Variants in AP1B1 observed in about 807,000 individuals in gnomAD.
The protein encoded by AP1B1 is AP-1 complex subunit beta-1.
Under a neutral mutation model 104.3 loss-of-function variants are expected in AP1B1, and 36 were observed. The ratio of observed to expected loss-of-function variants is 0.35; its 90% CI spans 0.26 to 0.46. The LOEUF (loss-of-function observed/expected upper bound fraction) is 0.46. AP1B1 is among the 20% of genes least tolerant of loss of function. AP1B1 has a pLI of 1.00. For synonymous variants in AP1B1, 504 were observed against 517.5 expected (o/e 0.97, Z 0.35); for missense variants, 901 against 1,247.9 (o/e 0.72, Z 4.19).
At position 29,341,560 on chromosome 22, in the gene AP1B1, A is replaced by G; in HGVS notation, c.1737T>C (p.Ser579=). 6.2e-7 allele frequency: 1 copy of G among 1,614,188 alleles called. No individual in the cohort carries two copies. The highest frequency in any genetic ancestry group is 8.5e-7 in the Non-Finnish European group (1 of 1,180,022). The part of the protein sequence containing the change: ...TLASVYHKPP[S]AFVEGGRGVV... The stretch of plus-strand genomic sequence containing the variant: ...CGCCCCGGCCCCCCTCCACAAAGGC[A>G]CTGGGAGGCTTATGGTAGACGGAAG... The change falls in exon 13 of 23, where the codon AGT becomes AGC. Residue 579 remains serine (S), a synonymous_variant. Coordinates refer to ENST00000357586, the MANE Select transcript of AP1B1 (RefSeq NM_001127.4).
chr22:29,376,644 G>A (rs563314239), intron 1 of AP1B1, among the ~76,000 whole-genome samples: 1 of 137,980 alleles, frequency 7.2e-6, no homozygotes, highest in South Asian at 2.4e-4. Flanking sequence ...TCAAGAGGAA[G>A]TTAGGGAAGA....
chr22:29,357,265 G>A (rs536463627), intron 5 of AP1B1, among the ~76,000 whole-genome samples: 6 of 151,362 alleles, frequency 4.0e-5, no homozygotes, highest in South Asian at 4.2e-4. Flanking sequence ...ATGGGGTTTC[G>A]CCATGTTGGC....
chr22:29,364,108 A>C (rs1187410440), intron 2 of AP1B1, among the ~76,000 whole-genome samples: 4 of 152,218 alleles, frequency 2.6e-5, no homozygotes, highest in African/African-American at 9.6e-5. Flanking sequence ...CTGAGTACTT[A>C]AGGCTTGCGG....
At chr22:29,364,441 CAG>C (rs1191763090) in intron 2 of AP1B1, among the ~76,000 whole-genome samples, 1 of 152,166 alleles carries the variant, frequency 6.6e-6, no homozygotes, top group Non-Finnish European at 1.5e-5. Flanking sequence ...TTTTTTGAGA[CAG>C]AGTCTTGCTC....
chr22:29,363,212 A>G (rs574954484), intron 2 of AP1B1, 106 bp from the exon 3 acceptor site: 21 of 661,174 alleles, frequency 3.2e-5, no homozygotes, highest in African/African-American at 3.0e-4. Flanking sequence ...AAGACATCCT[A>G]TGCTGTTGGC....
At chr22:29,369,003 G>A (rs2062188291) in intron 1 of AP1B1, among the ~76,000 whole-genome samples, 1 of 151,732 alleles carries the variant, frequency 6.6e-6, no homozygotes, top group South Asian at 2.1e-4. Context: ...AGTTTTATGT[G>A]GTATAGAAAA....
intron 1 of AP1B1, among the ~76,000 whole-genome samples, chr22:29,383,581 C>T (rs1355284568): frequency 2.7e-5 from 4 of 150,752 alleles, no homozygotes; most frequent in African/African-American, 7.3e-5. Context: ...TGGTGGCGGG[C>T]GCCTGTAATC....
chr22:29,337,085 T>G (rs1447230864), intron 16 of AP1B1, among the ~76,000 whole-genome samples: 2 of 152,214 alleles, frequency 1.3e-5, no homozygotes, highest in Non-Finnish European at 2.9e-5. Context: ...TACGTTCCCG[T>G]GGCCCTGCTG....
chr22:29,359,809 C>T lies in AP1B1; in HGVS notation c.279+15G>A. ...AAGCACCCAATGTCCCCACGCCCAC[C>T]AAGCGTCTGCTCACCTTCACAAAGG... On this transcript the variant is annotated intron_variant, in intron 4 of 22. Coordinates refer to ENST00000357586, the MANE Select transcript of AP1B1 (RefSeq NM_001127.4). 2 of 1,609,544 alleles carry T rather than the reference C, an allele frequency of 1.2e-6. No individual in the cohort carries two copies. Among genetic ancestry groups the T allele is most frequent in the Non-Finnish European group, 1.7e-6 (2 of 1,177,456 alleles).
At chr22:29,374,179 G>A (rs1352061011) in intron 1 of AP1B1, among the ~76,000 whole-genome samples, 1 of 152,108 alleles carries the variant, frequency 6.6e-6, no homozygotes, top group African/African-American at 2.4e-5. Flanking sequence ...TCCAGCCTGG[G>A]CAACAGAGCA....
intron 1 of AP1B1, among the ~76,000 whole-genome samples, chr22:29,383,966 C>G (rs1370804519): frequency 6.6e-6 from 1 of 152,070 alleles, no homozygotes; most frequent in South Asian, 2.1e-4. Context: ...AGTGTAGAAC[C>G]ATAGCCAAGT....
intron 16 of AP1B1, among the ~76,000 whole-genome samples, chr22:29,337,405 C>T (rs926812482): frequency 6.6e-6 from 1 of 152,216 alleles, no homozygotes; most frequent in Non-Finnish European, 1.5e-5. Context: ...AGTGCCCAGA[C>T]CCTGCCAGGG....
intron 11 of AP1B1, among the ~76,000 whole-genome samples, chr22:29,344,303 G>T (rs1444084312): frequency 6.6e-6 from 1 of 151,986 alleles, no homozygotes; most frequent in Non-Finnish European, 1.5e-5. Flanking sequence ...GTATGCCTCA[G>T]GCTGTATTGC....
intron 21 of AP1B1, 97 bp downstream of exon 21, chr22:29,330,281 G>A (rs1004739057): frequency 1.0e-5 from 16 of 1,568,684 alleles, no homozygotes; most frequent in African/African-American, 1.3e-5. Flanking sequence ...AGCCAGGCTT[G>A]AAGGGACGCT....
intron 2 of AP1B1, among the ~76,000 whole-genome samples, chr22:29,363,793 A>T (rs149320651): frequency 1.3e-5 from 2 of 152,088 alleles, no homozygotes; most frequent in Non-Finnish European, 2.9e-5. Context: ...GCTACTCTGG[A>T]GGCTGAGGCT....
At chr22:29,330,792 G>T in intron 19 of AP1B1, 83 bp from the exon 20 acceptor site, 3 of 1,201,436 alleles carry the variant, frequency 2.5e-6, no homozygotes, top group Non-Finnish European at 3.5e-6. Context: ...AAATGGGTCT[G>T]GCCTTTACTG....
chr22:29,330,872 G>A (rs1216269894), intron 19 of AP1B1, among the ~76,000 whole-genome samples, 163 bp from the exon 20 acceptor site: 6 of 152,022 alleles, frequency 3.9e-5, no homozygotes, highest in African/African-American at 1.2e-4. Context: ...CACACCCTCC[G>A]CTCTGTGAGG....
At chr22:29,353,905 C>T (rs1348513837) in intron 7 of AP1B1, among the ~76,000 whole-genome samples, 1 of 152,160 alleles carries the variant, frequency 6.6e-6, no homozygotes, top group East Asian at 1.9e-4. Context: ...AGGTCAATCC[C>T]CCTCCCCAGA....
Position 29,341,484 on chromosome 22 carries a change from T to C in AP1B1, c.1796+17A>G. The C allele has an allele frequency of 1.9e-6, 3 of 1,604,114 alleles. No homozygotes were observed. The highest frequency in any genetic ancestry group is 2.6e-6 in the Non-Finnish European group (3 of 1,172,232). On this transcript the variant is annotated intron_variant, in intron 13 of 22. Coordinates refer to ENST00000357586, the MANE Select transcript of AP1B1 (RefSeq NM_001127.4). ...GCAGAGTGTGAAGGCGCAGGCCGAC[T>C]GGCCAGTCTCACTCACGAGGCCGTG... is the stretch of plus-strand genomic sequence containing the variant.
Sources: gnomAD v4.1 joint callset for allele counts (sites outside exome capture counted in the v4.1 genomes callset) on GRCh38, gnomAD v4.1.1 for gene constraint, MANE v1.5 for transcripts, NCBI Gene and HGNC (gene_info 2026-07-23, HGNC 2026-07-21) for gene names.